Variants in ZFAND3 observed in about 807,000 individuals in gnomAD.
The protein encoded by ZFAND3 is zinc finger AN1-type containing 3.
ZFAND3 carries 10 observed loss-of-function variants against 29.6 expected under a neutral mutation model. The observed-to-expected ratio is 0.34, with a 90% CI of 0.21 to 0.57. The LOEUF is 0.57. Among genes scored for constraint, ZFAND3 ranks in the 20% least tolerant of loss-of-function variants. The probability of loss-of-function intolerance (pLI) is 0.86; values close to 1 mark genes in which losing one functional copy is unlikely to be tolerated. For synonymous variants in ZFAND3, 128 were observed against 112.6 expected (o/e 1.14, Z -0.87); for missense variants, 230 against 304.5 (o/e 0.76, Z 1.82).
At chr6:37,878,484 T>C (rs1764834102) in intron 1 of ZFAND3, among the ~76,000 whole-genome samples, 1 of 151,856 alleles carries the variant, frequency 6.6e-6, no homozygotes, top group Non-Finnish European at 1.5e-5. Context: ...GAGGCAGGGC[T>C]TGATGTAGCT....
At chr6:38,029,340 A>G (rs537573110) in intron 2 of ZFAND3, among the ~76,000 whole-genome samples, 11 of 152,348 alleles carry the variant, frequency 7.2e-5, no homozygotes, top group Admixed American at 2.0e-4. Flanking sequence ...TTCAGGAAGA[A>G]TAGCTATTCT....
intron 1 of ZFAND3, among the ~76,000 whole-genome samples, chr6:37,879,345 T>TG (rs2127391317): frequency 6.6e-6 from 1 of 152,102 alleles, no homozygotes; most frequent in Non-Finnish European, 1.5e-5. Flanking sequence ...TTTTGTTTTT[T>TG]TTTTGTGGGG....
At chr6:37,940,053 G>A (rs528596565) in intron 2 of ZFAND3, among the ~76,000 whole-genome samples, 2 of 152,004 alleles carry the variant, frequency 1.3e-5, no homozygotes, top group Admixed American at 6.6e-5. Context: ...GTGGGGAGGC[G>A]GGCAGTGTGG....
chr6:38,133,142 A>T (rs1182887999), intron 5 of ZFAND3, among the ~76,000 whole-genome samples: 1 of 152,138 alleles, frequency 6.6e-6, no homozygotes, highest in Non-Finnish European at 1.5e-5. Flanking sequence ...ACAGCTCAAC[A>T]GTCTTCTCTT....
intron 2 of ZFAND3, among the ~76,000 whole-genome samples, chr6:38,024,470 C>CAAAAAA (rs34123545): frequency 8.9e-6 from 1 of 112,692 alleles, no homozygotes; most frequent in African/African-American, 3.4e-5. Flanking sequence ...GACTCCGTCT[C>CAAAAAA]AAAAAAAAAA....
intron 2 of ZFAND3, among the ~76,000 whole-genome samples, chr6:38,042,860 C>T (rs1182962634): frequency 6.6e-6 from 1 of 151,972 alleles, no homozygotes; most frequent in Non-Finnish European, 1.5e-5. Context: ...CATAGATTAG[C>T]GTTCATGGTG....
intron 2 of ZFAND3, among the ~76,000 whole-genome samples, chr6:38,052,838 T>G (rs2127460611): frequency 6.7e-6 from 1 of 148,518 alleles, no homozygotes; most frequent in Admixed American, 6.7e-5. Flanking sequence ...AGATCAGGAG[T>G]TCGAGCCTGG....
chr6:38,119,907 C>T (rs1415329028), intron 5 of ZFAND3, among the ~76,000 whole-genome samples: 1 of 152,206 alleles, frequency 6.6e-6, no homozygotes, highest in Admixed American at 6.5e-5. Flanking sequence ...CATGGGCTTT[C>T]AGTAAGGAGG....
chr6:38,100,122 G>A (rs1032438830), intron 4 of ZFAND3, among the ~76,000 whole-genome samples: 2 of 151,888 alleles, frequency 1.3e-5, no homozygotes, highest in African/African-American at 4.8e-5. Flanking sequence ...GGAGTGTAGT[G>A]GCATGACCTC....
At chr6:37,962,418 A>G (rs1762213585) in intron 2 of ZFAND3, among the ~76,000 whole-genome samples, 1 of 152,240 alleles carries the variant, frequency 6.6e-6, no homozygotes, top group South Asian at 2.1e-4. Context: ...AGAGATAGGC[A>G]TAGAAAGTTT....
chr6:37,961,273 G>T (rs1762191149), intron 2 of ZFAND3, among the ~76,000 whole-genome samples: 1 of 152,200 alleles, frequency 6.6e-6, no homozygotes, highest in Non-Finnish European at 1.5e-5. Context: ...TCTGCCTTTG[G>T]AAAGGGGAGG....
At chr6:38,092,608 T>C (rs1764896678) in intron 4 of ZFAND3, among the ~76,000 whole-genome samples, 1 of 152,212 alleles carries the variant, frequency 6.6e-6, no homozygotes, top group Admixed American at 6.5e-5. Context: ...AGGGAAAGTC[T>C]AGGAGTAGGA....
chr6:37,907,847 T>C (rs1213930847), intron 1 of ZFAND3, among the ~76,000 whole-genome samples: 2 of 152,212 alleles, frequency 1.3e-5, no homozygotes, highest in Admixed American at 6.5e-5. Context: ...TCTATAAATA[T>C]ACCTTTTCCA....
At position 38,047,964 on chromosome 6, in the gene ZFAND3, G is replaced by GT. The variant is rs1241798963; in HGVS notation, c.113-13621dup. 1.3e-3 allele frequency among the ~76,000 whole-genome samples: 160 copies of GT among 126,270 alleles called. 3 individuals carry two copies. In the East Asian group the frequency reaches 0.03, roughly 24 times the overall value. 82.8% of individuals were successfully genotyped at this position (126,270 alleles called of 152,430 possible). A position where few individuals can be genotyped will look rare whatever the true frequency, so the allele number is the denominator to read the frequency against. On this transcript the variant is annotated intron_variant, in intron 2 of 5. Coordinates refer to ENST00000287218, the MANE Select transcript of ZFAND3 (RefSeq NM_021943.3). Reference sequence around the variant, plus strand: ...ATCTGTTCCAGACCTAGGTTTTTGGGTTTTTTTTGTTTTTTTTTTTTTTAC... The same window carrying GT: ...ATCTGTTCCAGACCTAGGTTTTTGGGTTTTTTTTTGTTTTTTTTTTTTTTAC...
chr6:37,989,978 C>T (rs1289193913), intron 2 of ZFAND3, among the ~76,000 whole-genome samples: 6 of 152,252 alleles, frequency 3.9e-5, no homozygotes, highest in Admixed American at 2.0e-4. Flanking sequence ...ATAACGGAGA[C>T]GAGCCTTGTC....
chr6:38,105,450 A>G (rs1765189510), intron 4 of ZFAND3, among the ~76,000 whole-genome samples: 1 of 152,208 alleles, frequency 6.6e-6, no homozygotes, highest in African/African-American at 2.4e-5. Context: ...GGTTGTGTAC[A>G]CACTGTATGG....
At chr6:37,996,739 T>TTA (rs761507674) in intron 2 of ZFAND3, among the ~76,000 whole-genome samples, 28 of 152,190 alleles carry the variant, frequency 1.8e-4, no homozygotes, top group Admixed American at 2.6e-4. Flanking sequence ...TTCAGGTTCT[T>TTA]TATATATATG....
At chr6:37,877,758 A>G (rs1202996475) in intron 1 of ZFAND3, among the ~76,000 whole-genome samples, 1 of 152,216 alleles carries the variant, frequency 6.6e-6, no homozygotes, top group Non-Finnish European at 1.5e-5. Flanking sequence ...AGTACTATGT[A>G]TTAATAGCTT....
intron 1 of ZFAND3, among the ~76,000 whole-genome samples, chr6:37,822,093 C>T (rs1188350483): frequency 6.6e-6 from 1 of 152,186 alleles, no homozygotes; most frequent in Non-Finnish European, 1.5e-5. Context: ...CCTTGGACTC[C>T]CAAAGTGCTG....
Sources: allele counts gnomAD v4.1 joint callset (sites outside exome capture counted in the v4.1 genomes callset), GRCh38; gene constraint gnomAD v4.1.1; transcripts MANE v1.5; gene names NCBI Gene and HGNC (gene_info 2026-07-23, HGNC 2026-07-21).